Variants in CLHC1 observed in about 807,000 individuals in gnomAD.
The protein encoded by CLHC1 is clathrin heavy chain linker domain containing 1, also known as clathrin heavy chain linker domain-containing protein 1.
CLHC1 carries 72 observed loss-of-function variants against 69.5 expected under a neutral mutation model. The ratio of observed to expected loss-of-function variants is 1.04; its 90% confidence interval spans 0.86 to 1.26. The LOEUF is 1.26. Among genes scored for constraint, CLHC1 ranks in the 50% most tolerant of loss-of-function variants. The pLI is 0.00. For synonymous variants in CLHC1, 223 were observed against 224.3 expected (o/e 0.99, Z 0.05); for missense variants, 790 against 679.3 (o/e 1.16, Z -1.81).
chr2:55,180,605 C>G lies in CLHC1; in HGVS notation c.1289G>C (p.Cys430Ser). The G allele has an allele frequency of 1.2e-6, 2 of 1,614,020 alleles. No individual in the cohort carries two copies. Among genetic ancestry groups the G allele is most frequent in the Non-Finnish European group, 8.5e-7 (1 of 1,179,894 alleles). The change falls in exon 11 of 13, where the codon TGT becomes TCT. Residue 430 changes from cysteine to serine, a missense_variant. Coordinates refer to ENST00000401408, the MANE Select transcript of CLHC1 (RefSeq NM_152385.4). The stretch of plus-strand genomic sequence containing the variant: ...AAGAATAGCTTTCTTGTGCAGGCCA[C>G]ATTCACTGTAGACAATCTGAGCTAA... ...LALAQIVYSECGLHKKAILCL... is the reference protein window; with the variant it reads ...LALAQIVYSESGLHKKAILCL...
chr2:55,202,201 T>C (rs562055442), intron 9 of CLHC1, among the ~76,000 whole-genome samples: 13 of 149,898 alleles, frequency 8.7e-5, no homozygotes, highest in Non-Finnish European at 4.4e-5. Flanking sequence ...GCATCCAAAT[T>C]GGAAAGGAAG....
At chr2:55,219,280 T>A (rs184374250) in intron 3 of CLHC1, among the ~76,000 whole-genome samples, 26 of 152,324 alleles carry the variant, frequency 1.7e-4, no homozygotes, top group African/African-American at 5.1e-4. Context: ...CAAGTCTGTT[T>A]GTTAGAAAAA....
At chr2:55,212,192 G>A (rs576606401) in intron 5 of CLHC1, among the ~76,000 whole-genome samples, 3 of 152,272 alleles carry the variant, frequency 2.0e-5, no homozygotes, top group African/African-American at 4.8e-5. Flanking sequence ...CACGAGAATC[G>A]CTTAAACCCT....
intron 9 of CLHC1, among the ~76,000 whole-genome samples, chr2:55,193,860 T>C (rs57769545): frequency 6.6e-6 from 1 of 152,196 alleles, no homozygotes; most frequent in African/African-American, 2.4e-5. Context: ...AGCCAAAAAG[T>C]GGGAAAAGCC....
At chr2:55,203,042 T>C (rs1672111968) in intron 9 of CLHC1, among the ~76,000 whole-genome samples, 2 of 152,218 alleles carry the variant, frequency 1.3e-5, no homozygotes, top group Non-Finnish European at 2.9e-5. Flanking sequence ...CTGCTTATAA[T>C]AGCCACAAAT....
rs371143871 is a variant in CLHC1 at position 55,211,037 on chromosome 2, G to C, written c.500-1206C>G. 1.1e-3 allele frequency among the ~76,000 whole-genome samples: 165 copies of C among 152,088 alleles called. 2 individuals are homozygous for C. The Middle Eastern group carries it at 0.017, about 16-fold the overall frequency. ...TCATCTGGGCCAATTGTTGACTTTAGTACATATCACAAAATACTCCTCCCC... is the reference window on the plus strand; with the variant it reads ...TCATCTGGGCCAATTGTTGACTTTACTACATATCACAAAATACTCCTCCCC... On this transcript the variant is annotated intron_variant, in intron 5 of 12. Coordinates refer to ENST00000401408, the MANE Select transcript of CLHC1 (RefSeq NM_152385.4).
chr2:55,198,817 AT>A (rs1671670622), intron 9 of CLHC1, among the ~76,000 whole-genome samples: 1 of 152,200 alleles, frequency 6.6e-6, no homozygotes, highest in Non-Finnish European at 1.5e-5. Flanking sequence ...GGCAGCAGAC[AT>A]TTTAGTGGAA....
rs950729745 is a variant in CLHC1 at position 55,174,876 on chromosome 2, G to A, written c.*914C>T. 4 of 151,970 alleles carry A rather than the reference G, an allele frequency of 2.6e-5. No homozygotes were observed. The highest frequency in any genetic ancestry group is 7.3e-5 in the African/African-American group (3 of 41,316). The allele number at this position is 151,970 out of a possible 1,614,324, so 9.4% of individuals were successfully genotyped here. A position where few individuals can be genotyped will look rare whatever the true frequency, so the allele number is the denominator to read the frequency against. ...GATCCTCCTGCCTCGACCTCCCAAA[G>A]TGCTGGGATTACAGACATGAGCTAC... On this transcript the variant is annotated 3_prime_UTR_variant, in exon 13 of 13. Transcript: ENST00000401408.
At chr2:55,209,259 G>A in intron 7 of CLHC1, 145 bp downstream of exon 7, 1 of 595,432 alleles carries the variant, frequency 1.7e-6, no homozygotes, top group Non-Finnish European at 3.0e-6. Context: ...AGCTGTTGAA[G>A]GAAGAAACCC....
chr2:55,186,120 A>G (rs1047384003), intron 9 of CLHC1, among the ~76,000 whole-genome samples: 2 of 152,180 alleles, frequency 1.3e-5, no homozygotes, highest in African/African-American at 4.8e-5. Context: ...AAATAAAACA[A>G]CCTACATCCA....
At chr2:55,205,325 T>C (rs553797447) in intron 9 of CLHC1, among the ~76,000 whole-genome samples, 31 of 152,078 alleles carry the variant, frequency 2.0e-4, no homozygotes, top group Non-Finnish European at 3.8e-4. Flanking sequence ...ATTATGTTTA[T>C]CACAGCACTA....
At position 55,198,796 on chromosome 2, in the gene CLHC1, C is replaced by T. The variant is rs148973477; in HGVS notation, c.1006+7474G>A. Among the ~76,000 whole-genome samples, 42 of 152,218 alleles carry T rather than the reference C, an allele frequency of 2.8e-4. No homozygotes were observed. In the East Asian group the frequency reaches 7.9e-3, roughly 29 times the overall value. On this transcript the variant is annotated intron_variant, in intron 9 of 12. Coordinates refer to ENST00000401408, the MANE Select transcript of CLHC1 (RefSeq NM_152385.4). Reference sequence around the variant, plus strand: ...AAAATAAATGACATACAATGGAGTTCCAATATGTCTGGCAGCAGACATTTT... The same window carrying T: ...AAAATAAATGACATACAATGGAGTTTCAATATGTCTGGCAGCAGACATTTT...
chr2:55,212,031 C>T (rs1165750015), intron 5 of CLHC1, among the ~76,000 whole-genome samples: 1 of 152,114 alleles, frequency 6.6e-6, no homozygotes, highest in African/African-American at 2.4e-5. Context: ...AATCCCAGCA[C>T]TCTGGGAGGC....
At chr2:55,229,747 C>G (rs1371451172) in intron 1 of CLHC1, among the ~76,000 whole-genome samples, 1 of 152,178 alleles carries the variant, frequency 6.6e-6, no homozygotes, top group Non-Finnish European at 1.5e-5. Context: ...GGCCTGTGTG[C>G]AGAAGAGTGG....
At position 55,174,605 on chromosome 2, in the gene CLHC1, AAGTG is replaced by A. The variant is rs1290190021; in HGVS notation, c.*1181_*1184del. ...CTAAGGAAGACTGCCCATATTTTAT[AAGTG>A]AGTAAGAGGTAGGACCAGAATTTTA... On this transcript the variant is annotated 3_prime_UTR_variant, in exon 13 of 13. Transcript: ENST00000401408. Among the ~76,000 whole-genome samples the A allele has an allele frequency of 2.0e-5, 3 of 152,198 alleles. No individual in the cohort carries two copies. Among genetic ancestry groups the A allele is most frequent in the African/African-American group, 7.2e-5 (3 of 41,446 alleles).
At chr2:55,183,526 T>A (rs1451924674) in intron 9 of CLHC1, among the ~76,000 whole-genome samples, 7 of 152,220 alleles carry the variant, frequency 4.6e-5, no homozygotes, top group Admixed American at 2.0e-4. Context: ...AAATAGATTC[T>A]GCGTCCGATT....
chr2:55,176,066 G>A lies in CLHC1; in HGVS notation c.1565-80C>T, dbSNP rs1218273486. On this transcript the variant is annotated intron_variant, in intron 12 of 12. Transcript: ENST00000401408. ...TTAGTGATTCTTCAAAAATAGAAAA[G>A]GACATAATTTCAACTCAGTTACTGT... 2.5e-6 allele frequency: 3 copies of A among 1,200,246 alleles called. No homozygotes were observed. The East Asian group carries it at 7.2e-5, about 29-fold the overall frequency. 74.3% of individuals were successfully genotyped at this position (1,200,246 alleles called of 1,614,324 possible). A position where few individuals can be genotyped will look rare whatever the true frequency, so the allele number is the denominator to read the frequency against.
chr2:55,213,006 G>A (rs1248931987), intron 4 of CLHC1, among the ~76,000 whole-genome samples, 200 bp from the exon 5 acceptor site: 1 of 152,118 alleles, frequency 6.6e-6, no homozygotes, highest in Non-Finnish European at 1.5e-5. Flanking sequence ...CTATGATTCT[G>A]AACCCTATTG....
chr2:55,189,661 G>C (rs1431965081), intron 9 of CLHC1, among the ~76,000 whole-genome samples: 1 of 152,220 alleles, frequency 6.6e-6, no homozygotes, highest in Non-Finnish European at 1.5e-5. Flanking sequence ...CAGAGTACCA[G>C]AAGAAAGAGA....
Sources: gnomAD v4.1 joint callset for allele counts (sites outside exome capture counted in the v4.1 genomes callset) on GRCh38, gnomAD v4.1.1 for gene constraint, MANE v1.5 for transcripts, NCBI Gene and HGNC (gene_info 2026-07-23, HGNC 2026-07-21) for gene names.